YAF2: variants seen among roughly 807,000 people sequenced by gnomAD.
YAF2 encodes the protein YY1-associated factor 2.
YAF2 carries 7 observed loss-of-function variants against 20.1 expected under a neutral mutation model. The observed-to-expected ratio is 0.35, with a 90% CI of 0.20 to 0.65. The LOEUF (loss-of-function observed/expected upper bound fraction) is 0.65. YAF2 is among the 30% of genes least tolerant of loss of function. The probability of loss-of-function intolerance (pLI) is 0.69; values close to 1 mark genes in which losing one functional copy is unlikely to be tolerated. For synonymous variants in YAF2, 74 were observed against 76.0 expected (o/e 0.97, Z 0.14); for missense variants, 151 against 219.2 (o/e 0.69, Z 1.96).
chr12:42,161,856 TAATAAC>T (rs2065806517), intron 2 of YAF2, 91 bp from the exon 3 acceptor site: 13 of 1,162,882 alleles, frequency 1.1e-5, no homozygotes, highest in Admixed American at 2.8e-5. Flanking sequence ...GAAAACAAGT[TAATAAC>T]AATAACTTTC....
At chr12:42,221,461 C>T (rs892257878) in intron 2 of YAF2, among the ~76,000 whole-genome samples, 3 of 87,114 alleles carry the variant, frequency 3.4e-5, no homozygotes, top group Non-Finnish European at 7.1e-5. Context: ...GTCCTAGCTA[C>T]TTGGGAGGTT....
intron 2 of YAF2, among the ~76,000 whole-genome samples, chr12:42,197,156 A>T (rs2066774605): frequency 6.6e-6 from 1 of 152,258 alleles, no homozygotes; most frequent in Non-Finnish European, 1.5e-5. Context: ...AAATTATTAC[A>T]GTGCTCCTTT....
chr12:42,186,538 T>C (rs2137075052), intron 2 of YAF2, among the ~76,000 whole-genome samples: 1 of 151,766 alleles, frequency 6.6e-6, no homozygotes, highest in Admixed American at 6.6e-5. Flanking sequence ...TAGCTGGGCA[T>C]AGTGGCGGGT....
At chr12:42,215,247 C>A (rs188251335) in intron 2 of YAF2, among the ~76,000 whole-genome samples, 3 of 152,108 alleles carry the variant, frequency 2.0e-5, no homozygotes, top group Admixed American at 2.0e-4. Flanking sequence ...ACTCCTAAAA[C>A]CTGAATCTTT....
chr12:42,180,796 A>T (rs1162481926), intron 2 of YAF2, among the ~76,000 whole-genome samples: 2 of 152,034 alleles, frequency 1.3e-5, no homozygotes, highest in Non-Finnish European at 2.9e-5. Flanking sequence ...TAAAATAGAA[A>T]AATTAGCTGG....
intron 2 of YAF2, among the ~76,000 whole-genome samples, chr12:42,191,370 C>G (rs988450136): frequency 6.6e-6 from 1 of 151,944 alleles, no homozygotes; most frequent in African/African-American, 2.4e-5. Flanking sequence ...TATGAATCCA[C>G]TGACTTTTTT....
intron 2 of YAF2, among the ~76,000 whole-genome samples, chr12:42,175,270 T>C (rs1383589277): frequency 6.6e-6 from 1 of 152,144 alleles, no homozygotes; most frequent in African/African-American, 2.4e-5. Context: ...ATACACACTG[T>C]ATGATTCCAT....
chr12:42,230,002 C>G (rs1440477925), intron 2 of YAF2, among the ~76,000 whole-genome samples: 2 of 152,136 alleles, frequency 1.3e-5, no homozygotes, highest in Admixed American at 6.5e-5. Context: ...CTTACGCCTG[C>G]AATCACAGCA....
intron 2 of YAF2, among the ~76,000 whole-genome samples, chr12:42,207,759 C>A (rs1295612911): frequency 6.6e-6 from 1 of 151,968 alleles, no homozygotes; most frequent in Non-Finnish European, 1.5e-5. Context: ...GGCGTCGTGG[C>A]GGGCGCCTGT....
rs1156429845 is a variant in YAF2 at position 42,157,580 on chromosome 12, T to C, written c.*3009A>G. 1 of 152,226 alleles carries C rather than the reference T, an allele frequency of 6.6e-6. No individual in the cohort carries two copies. Among genetic ancestry groups the C allele is most frequent in the Non-Finnish European group, 1.5e-5 (1 of 68,044 alleles). The allele number at this position is 152,226 out of a possible 1,614,324, so 9.4% of individuals were successfully genotyped here. ...TTCTTTCAGTCTATAAGGATCTTTA[T>C]CTAAAAGTTAATAAACATGCTATCA... is the stretch of plus-strand genomic sequence containing the variant. On this transcript the variant is annotated 3_prime_UTR_variant, in exon 4 of 4. Coordinates refer to ENST00000534854, the MANE Select transcript of YAF2 (RefSeq NM_005748.6).
intron 2 of YAF2, chr12:42,234,281 T>G (rs1304339348): frequency 3.0e-6 from 3 of 985,442 alleles, no homozygotes; most frequent in Middle Eastern, 1.0e-3. Context: ...GAAAATAATG[T>G]GTCACCGTGG....
chr12:42,188,325 T>C (rs2066525386), intron 2 of YAF2, among the ~76,000 whole-genome samples: 1 of 152,094 alleles, frequency 6.6e-6, no homozygotes, highest in African/African-American at 2.4e-5. Context: ...CTAAGATCAT[T>C]TAATTATCTT....
In YAF2 at chr12:42,202,875, G is replaced by A. The variant is rs192089607; in HGVS notation, c.152+34724C>T. Among the ~76,000 whole-genome samples, 185 of 152,176 alleles carry A rather than the reference G, an allele frequency of 1.2e-3. 1 individual carries two copies. The South Asian group carries it at 0.03, about 25-fold the overall frequency. ...TGGTCTTGAACTCCTGACCTAAGGTGATTCACCCGCCTCCGCCTCTCAAAG... is the reference window on the plus strand; with the variant it reads ...TGGTCTTGAACTCCTGACCTAAGGTAATTCACCCGCCTCCGCCTCTCAAAG... On this transcript the variant is annotated intron_variant, in intron 2 of 3. Transcript: ENST00000534854.
At chr12:42,181,003 G>A (rs1279042344) in intron 2 of YAF2, among the ~76,000 whole-genome samples, 1 of 152,160 alleles carries the variant, frequency 6.6e-6, no homozygotes, top group Non-Finnish European at 1.5e-5. Flanking sequence ...AAAATCTGGT[G>A]CCCATAATGG....
At position 42,160,521 on chromosome 12, in the gene YAF2, C is replaced by T. The variant is rs2065775277; in HGVS notation, c.*68G>A. 2 of 1,168,960 alleles carry T rather than the reference C, an allele frequency of 1.7e-6. No individual in the cohort carries two copies. The highest frequency in any genetic ancestry group is 2.5e-6 in the Non-Finnish European group (2 of 806,288). The allele number at this position is 1,168,960 out of a possible 1,614,324, so 72.4% of individuals were successfully genotyped here. A position where few individuals can be genotyped will look rare whatever the true frequency, so the allele number is the denominator to read the frequency against. ...ATGTATCTGTCATGAAAATGTGGTA[C>T]CTCTTGGCATAATCTGTGTATTTGC... is the stretch of plus-strand genomic sequence containing the variant. On this transcript the variant is annotated 3_prime_UTR_variant, in exon 4 of 4. Transcript: ENST00000534854.
intron 2 of YAF2, among the ~76,000 whole-genome samples, chr12:42,207,244 T>C (rs890211822): frequency 2.0e-5 from 3 of 152,258 alleles, no homozygotes; most frequent in Non-Finnish European, 4.4e-5. Flanking sequence ...GCTTGTCTAA[T>C]GATTGGACAA....
intron 2 of YAF2, chr12:42,235,713 T>A: frequency 6.5e-7 from 1 of 1,533,678 alleles, no homozygotes; most frequent in Non-Finnish European, 8.7e-7. Flanking sequence ...CCTCAAGTAA[T>A]GTTTCCACCA....
chr12:42,200,186 A>G (rs527998225), intron 2 of YAF2, among the ~76,000 whole-genome samples: 1 of 152,332 alleles, frequency 6.6e-6, no homozygotes, highest in South Asian at 2.1e-4. Context: ...TAGAAGTGGG[A>G]TCTTCATCAG....
chr12:42,160,174 T>G lies in YAF2; in HGVS notation c.*415A>C, dbSNP rs2065769800. ...AATAGTTAAGTTGTTCTTTGACTTGTATACATATAACTATCTGTTTCACAA... is the reference window on the plus strand; with the variant it reads ...AATAGTTAAGTTGTTCTTTGACTTGGATACATATAACTATCTGTTTCACAA... On this transcript the variant is annotated 3_prime_UTR_variant, in exon 4 of 4. Transcript: ENST00000534854. 1 of 164,784 alleles carries G rather than the reference T, an allele frequency of 6.1e-6. No individual in the cohort carries two copies. The highest frequency in any genetic ancestry group is 2.4e-5 in the African/African-American group (1 of 41,564). 10.2% of individuals were successfully genotyped at this position (164,784 alleles called of 1,614,324 possible). A position where few individuals can be genotyped will look rare whatever the true frequency, so the allele number is the denominator to read the frequency against.
Sources: allele counts gnomAD v4.1 joint callset (sites outside exome capture counted in the v4.1 genomes callset), GRCh38; gene constraint gnomAD v4.1.1; transcripts MANE v1.5; gene names NCBI Gene and HGNC (gene_info 2026-07-23, HGNC 2026-07-21).